The following MGAT4C variants were observed in gnomAD, a reference collection of about 807,000 sequenced individuals.
MGAT4C encodes the protein MGAT4 family member C.
In MGAT4C, 19 loss-of-function variants were observed where a neutral mutation model predicts 40.1. That is an observed-to-expected ratio of 0.47 (90% CI 0.33 to 0.70). The LOEUF (loss-of-function observed/expected upper bound fraction) is 0.70, where lower values mean the gene tolerates loss of function less well. MGAT4C is among the 30% of genes least tolerant of loss of function. The probability of loss-of-function intolerance (pLI) is 0.02; values close to 1 mark genes in which losing one functional copy is unlikely to be tolerated. For synonymous variants in MGAT4C, 181 were observed against 187.1 expected, an observed-to-expected ratio of 0.97 and a Z score of 0.27; for missense variants, 491 against 563.2, an observed-to-expected ratio of 0.87 and a Z score of 1.30.
chr12:86,601,763 C>T (rs1012739256), intron 2 of MGAT4C, among the ~76,000 whole-genome samples: 16 of 152,200 alleles, frequency 1.1e-4, no homozygotes, highest in South Asian at 2.1e-4. Context: ...GGGGCCGGAG[C>T]GGGGCAGAGG....
chr12:86,768,344 A>T (rs1191966284), intron 1 of MGAT4C, among the ~76,000 whole-genome samples: 1 of 152,170 alleles, frequency 6.6e-6, no homozygotes, highest in African/African-American at 2.4e-5. Flanking sequence ...AGAACAACAA[A>T]CCACTGCTCA....
At chr12:86,107,195 T>G (rs1876353484) in intron 1 of MGAT4C, among the ~76,000 whole-genome samples, 1 of 152,326 alleles carries the variant, frequency 6.6e-6, no homozygotes, top group East Asian at 1.9e-4. Flanking sequence ...TAATTTCAAA[T>G]TAGAAGTTTT....
chr12:86,783,853 C>T (rs959314524), intron 1 of MGAT4C, among the ~76,000 whole-genome samples: 7 of 151,924 alleles, frequency 4.6e-5, no homozygotes, highest in African/African-American at 1.5e-4. Flanking sequence ...TAGTACTGGC[C>T]GACTATTTCT....
chr12:86,364,942 T>C (rs1294392692), intron 3 of MGAT4C, among the ~76,000 whole-genome samples: 4 of 152,144 alleles, frequency 2.6e-5, no homozygotes, highest in Non-Finnish European at 5.9e-5. Context: ...AGGCATGCAT[T>C]GTCATTGATA....
At chr12:86,345,091 T>C (rs1252331698) in intron 3 of MGAT4C, among the ~76,000 whole-genome samples, 1 of 152,032 alleles carries the variant, frequency 6.6e-6, no homozygotes, top group African/African-American at 2.4e-5. Context: ...CAGACAAATA[T>C]GTCACACAAA....
intron 4 of MGAT4C, among the ~76,000 whole-genome samples, chr12:86,328,973 GGT>G (rs1225852950): frequency 6.6e-6 from 1 of 151,662 alleles, no homozygotes; most frequent in Non-Finnish European, 1.5e-5. Context: ...TGTGGTGGTG[GGT>G]GCCTGTAATC....
At chr12:86,301,106 A>G (rs1003622726) in intron 4 of MGAT4C, among the ~76,000 whole-genome samples, 2 of 152,136 alleles carry the variant, frequency 1.3e-5, no homozygotes, top group Admixed American at 6.5e-5. Context: ...TGATAGTGCA[A>G]TGTGTTGGTC....
intron 2 of MGAT4C, among the ~76,000 whole-genome samples, chr12:86,473,021 T>C (rs1001550147): frequency 2.6e-5 from 4 of 152,116 alleles, no homozygotes; most frequent in African/African-American, 9.7e-5. Context: ...AATGGTGCAA[T>C]CTCAGCTCAC....
chr12:86,788,474 C>G (rs936290494), intron 1 of MGAT4C, among the ~76,000 whole-genome samples: 4 of 152,066 alleles, frequency 2.6e-5, no homozygotes, highest in African/African-American at 9.7e-5. Context: ...TTTCTCATTT[C>G]TACAAACTTC....
chr12:86,154,014 A>G (rs1245104368), intron 1 of MGAT4C, among the ~76,000 whole-genome samples: 1 of 152,230 alleles, frequency 6.6e-6, no homozygotes, highest in African/African-American at 2.4e-5. Flanking sequence ...TTATCAATCA[A>G]AAGACGCTGA....
intron 4 of MGAT4C, among the ~76,000 whole-genome samples, chr12:86,325,611 C>T (rs955578627): frequency 1.3e-5 from 2 of 152,136 alleles, no homozygotes; most frequent in African/African-American, 4.8e-5. Flanking sequence ...GGCACAGTGG[C>T]TCACACCTGT....
At chr12:86,734,472 T>C (rs1203507494) in intron 1 of MGAT4C, among the ~76,000 whole-genome samples, 1 of 152,026 alleles carries the variant, frequency 6.6e-6, no homozygotes, top group Non-Finnish European at 1.5e-5. Flanking sequence ...TGTGCCCTCC[T>C]CTCAAAATTC....
At chr12:86,594,875 T>C (rs1049354154) in intron 2 of MGAT4C, among the ~76,000 whole-genome samples, 2 of 152,166 alleles carry the variant, frequency 1.3e-5, no homozygotes, top group Non-Finnish European at 2.9e-5. Context: ...TTAAACTTTA[T>C]ATTGGTTTGG....
chr12:86,723,090 T>C (rs1950762515), intron 2 of MGAT4C, among the ~76,000 whole-genome samples: 1 of 152,188 alleles, frequency 6.6e-6, no homozygotes, highest in Non-Finnish European at 1.5e-5. Flanking sequence ...CACACAACAT[T>C]TATTCAGTAT....
rs769463974 is a variant in MGAT4C, at chr12:85,968,214, A to G, written c.*11075T>C. ...GATAGTTTTTCTCCTTCTTTCTTGA[A>G]TATGTTTAGTTAATTTTGTGGAAAG... On this transcript the variant is annotated 3_prime_UTR_variant, in exon 5 of 5. Coordinates refer to ENST00000611864, the MANE Select transcript of MGAT4C (RefSeq NM_001351288.2). 2.0e-5 allele frequency: 3 copies of G among 152,030 alleles called. No homozygotes were observed. Among genetic ancestry groups the G allele is most frequent in the Admixed American group, 6.6e-5 (1 of 15,218 alleles). 9.4% of individuals were successfully genotyped at this position (152,030 alleles called of 1,614,324 possible). A position where few individuals can be genotyped will look rare whatever the true frequency, so the allele number is the denominator to read the frequency against.
At chr12:86,244,995 T>C (rs1290281682) in intron 1 of MGAT4C, among the ~76,000 whole-genome samples, 2 of 152,280 alleles carry the variant, frequency 1.3e-5, no homozygotes, top group East Asian at 1.9e-4. Context: ...ATGAGGCAAC[T>C]GGGGCACAGA....
intron 1 of MGAT4C, among the ~76,000 whole-genome samples, chr12:86,759,960 T>C (rs993175712): frequency 6.6e-6 from 1 of 152,098 alleles, no homozygotes; most frequent in African/African-American, 2.4e-5. Flanking sequence ...AGACCCCAAA[T>C]AGCCAAAACA....
chr12:86,471,842 C>T (rs1957761958), intron 2 of MGAT4C, among the ~76,000 whole-genome samples: 1 of 152,038 alleles, frequency 6.6e-6, no homozygotes, highest in South Asian at 2.1e-4. Context: ...CTTGAAAATG[C>T]TATGAACCAT....
chr12:86,698,051 G>A (rs776662733), intron 2 of MGAT4C, among the ~76,000 whole-genome samples: 4 of 151,916 alleles, frequency 2.6e-5, no homozygotes, highest in Non-Finnish European at 4.4e-5. Flanking sequence ...GCAATAATGC[G>A]AAAAATATGG....
Sources: allele counts gnomAD v4.1 joint callset (sites outside exome capture counted in the v4.1 genomes callset), GRCh38; gene constraint gnomAD v4.1.1; transcripts MANE v1.5; gene names NCBI Gene and HGNC (gene_info 2026-07-23, HGNC 2026-07-21).